The following L2HGDH variants were observed in gnomAD, a reference collection of about 807,000 sequenced individuals.
L2HGDH encodes L-2-hydroxyglutarate dehydrogenase.
Under a neutral mutation model 51.5 loss-of-function variants are expected in L2HGDH, and 34 were observed. The observed-to-expected ratio is 0.66, with a 90% CI of 0.50 to 0.88. The LOEUF (loss-of-function observed/expected upper bound fraction) is 0.88, where lower values mean the gene tolerates loss of function less well. Ranked by LOEUF, L2HGDH falls within the 40% of genes least tolerant of loss-of-function variation. The pLI, the probability that L2HGDH is intolerant of heterozygous loss-of-function variation, is 0.00. For missense variants in L2HGDH, 558 were observed against 571.9 expected (o/e 0.98, Z 0.25); for synonymous variants, 198 against 197.9 (o/e 1.00, Z -0.01).
chr14:50,261,828 G>C (rs958674596), intron 9 of L2HGDH, among the ~76,000 whole-genome samples: 1 of 152,138 alleles, frequency 6.6e-6, no homozygotes, highest in Non-Finnish European at 1.5e-5. Context: ...TTAACAATGA[G>C]AAGTTTATCT....
chr14:50,274,221 G>C (rs1428238961), intron 6 of L2HGDH, among the ~76,000 whole-genome samples: 2 of 151,918 alleles, frequency 1.3e-5, no homozygotes, highest in African/African-American at 4.8e-5. Flanking sequence ...TGAGGCTGCA[G>C]TGAGCCATGA....
chr14:50,287,413 A>G, intron 4 of L2HGDH: 1 of 537,948 alleles, frequency 1.9e-6, no homozygotes, highest in Non-Finnish European at 2.4e-6. Flanking sequence ...CCTGTTTTTC[A>G]AACTCTACAA....
At chr14:50,272,859 C>A (rs1055614055) in intron 6 of L2HGDH, among the ~76,000 whole-genome samples, 2 of 152,152 alleles carry the variant, frequency 1.3e-5, no homozygotes, top group Non-Finnish European at 2.9e-5. Context: ...GGGGAGTTCT[C>A]TATGACCAGT....
intron 6 of L2HGDH, among the ~76,000 whole-genome samples, chr14:50,275,531 T>C (rs4901009): frequency 0.75 from 114,478 of 152,216 alleles, 44,118 homozygotes; most frequent in African/African-American, 0.94. Context: ...GCATTACTTC[T>C]GATCAGTGAA....
chr14:50,267,908 G>A lies in L2HGDH; in HGVS notation c.909C>T (p.Val303=). The change falls in exon 8 of 10, where the codon GTC becomes GTT. Residue 303 remains valine (V), a splice_region_variant and synonymous_variant. Coordinates refer to ENST00000267436, the MANE Select transcript of L2HGDH (RefSeq NM_024884.3). The part of the protein sequence containing the change: ...CYLVKGNIYP[V]PDSRFPFLGV... ...CTAGGAAAGGAAACCGGCTATCTGG[G>A]ACCTATAAATTTAACATAGTAAATA... 6.2e-7 allele frequency: 1 copy of A among 1,613,722 alleles called. No homozygotes were observed. Among genetic ancestry groups the A allele is most frequent in the Middle Eastern group, 1.7e-4 (1 of 6,058 alleles).
At chr14:50,268,150 G>A (rs747354748) in intron 7 of L2HGDH, among the ~76,000 whole-genome samples, 4 of 152,176 alleles carry the variant, frequency 2.6e-5, no homozygotes, top group African/African-American at 4.8e-5. Flanking sequence ...AGGCTGAGGC[G>A]TGAGGATCAT....
At chr14:50,295,421 T>C (rs2029973899) in intron 3 of L2HGDH, among the ~76,000 whole-genome samples, 1 of 151,984 alleles carries the variant, frequency 6.6e-6, no homozygotes, top group Non-Finnish European at 1.5e-5. Flanking sequence ...TATTTATTTA[T>C]TTGAGACAAG....
At chr14:50,294,615 C>A (rs1471826985) in intron 3 of L2HGDH, among the ~76,000 whole-genome samples, 1 of 152,076 alleles carries the variant, frequency 6.6e-6, no homozygotes, top group Non-Finnish European at 1.5e-5. Flanking sequence ...TTTTCCCCCC[C>A]AAAACAGAAT....
rs1183300707 is a variant in L2HGDH, at chr14:50,293,289, T to TG, written c.540+825dup. 4 of 702,092 alleles carry TG rather than the reference T, an allele frequency of 5.7e-6. No individual in the cohort carries two copies. In the African/African-American group the frequency reaches 7.0e-5, roughly 12 times the overall value. 43.5% of individuals were successfully genotyped at this position (702,092 alleles called of 1,614,324 possible). A position where few individuals can be genotyped will look rare whatever the true frequency, so the allele number is the denominator to read the frequency against. On this transcript the variant is annotated intron_variant, in intron 4 of 9. Transcript: ENST00000267436. ...ATGCTGACACAACTGGATATCTGTT[T>TG]GGGGAAAAAATACACCTTGACCCCT...
intron 9 of L2HGDH, among the ~76,000 whole-genome samples, chr14:50,255,116 T>C (rs190542994): frequency 1.3e-4 from 20 of 152,286 alleles, no homozygotes; most frequent in Admixed American, 1.1e-3. Flanking sequence ...GTTTTTAACA[T>C]GAAATGTTTA....
At chr14:50,283,386 G>A (rs1422564707) in intron 5 of L2HGDH, among the ~76,000 whole-genome samples, 1 of 152,068 alleles carries the variant, frequency 6.6e-6, no homozygotes, top group Non-Finnish European at 1.5e-5. Flanking sequence ...AGGAGTCCCA[G>A]TTCTCTCACA....
chr14:50,276,465 C>CG (rs1255678190), intron 6 of L2HGDH, among the ~76,000 whole-genome samples: 1 of 150,620 alleles, frequency 6.6e-6, no homozygotes, highest in African/African-American at 2.4e-5. Flanking sequence ...GAATTGTGCC[C>CG]CCCCCACCCC....
At chr14:50,254,858 G>A (rs1888567558) in intron 9 of L2HGDH, among the ~76,000 whole-genome samples, 1 of 151,738 alleles carries the variant, frequency 6.6e-6, no homozygotes, top group South Asian at 2.1e-4. Context: ...GGGCAACATG[G>A]TGAAATCCCA....
chr14:50,247,972 T>C (rs1888106023), intron 9 of L2HGDH, among the ~76,000 whole-genome samples: 1 of 151,224 alleles, frequency 6.6e-6, no homozygotes. Flanking sequence ...TTAAAGAAAA[T>C]TTTTTTTTGT....
In L2HGDH at chr14:50,303,007, T is replaced by C. The variant is rs1366946438; in HGVS notation, c.151A>G (p.Ile51Val). 6.2e-7 allele frequency: 1 copy of C among 1,605,046 alleles called. No homozygotes were observed. The highest frequency in any genetic ancestry group is 8.5e-7 in the Non-Finnish European group (1 of 1,171,766). Residue 51 changes from isoleucine to valine, a missense_variant, in exon 2 of 10, where the codon ATA becomes GTA. Ile to Val is a conservative substitution (Grantham distance 29). This residue lies in a region of L2HGDH where 194 missense variants were observed against 187.2 expected (regional missense o/e 1.04). Transcript: ENST00000267436. ...ACAATTCCGCCACCAACGATGACTA[T>C]ATCAAATGAGCTTCAAAAGAAAGTC... ...SRSASTSSFD[I>V]VIVGGGIVGL...
intron 6 of L2HGDH, among the ~76,000 whole-genome samples, chr14:50,274,248 C>A (rs1450405959): frequency 4.0e-5 from 6 of 150,970 alleles, no homozygotes; most frequent in Admixed American, 3.3e-4. Flanking sequence ...CACTGGACTT[C>A]AGCCTGGGTG....
intron 9 of L2HGDH, among the ~76,000 whole-genome samples, chr14:50,256,546 T>C (rs1333615225): frequency 1.3e-5 from 2 of 152,036 alleles, no homozygotes; most frequent in Non-Finnish European, 2.9e-5. Flanking sequence ...TAAAAGCATT[T>C]TTCTAGCACA....
chr14:50,259,928 C>G (rs1391697189), intron 9 of L2HGDH, among the ~76,000 whole-genome samples: 1 of 130,388 alleles, frequency 7.7e-6, no homozygotes, highest in African/African-American at 2.8e-5. Context: ...CTCTAATTTA[C>G]TTGAATTAGA....
Position 50,244,942 on chromosome 14 carries a change from GT to G in L2HGDH, c.*2115del. 1 of 985,488 alleles carries G rather than the reference GT, an allele frequency of 1.0e-6. No homozygotes were observed. Among genetic ancestry groups the G allele is most frequent in the Non-Finnish European group, 1.2e-6 (1 of 829,906 alleles). The allele number at this position is 985,488 out of a possible 1,614,324, so 61.0% of individuals were successfully genotyped here. On this transcript the variant is annotated 3_prime_UTR_variant, in exon 10 of 10. Coordinates refer to ENST00000267436, the MANE Select transcript of L2HGDH (RefSeq NM_024884.3). ...ACCTAAATGTGGTTCAGTACTCAAAGTTCTGCAGTCAGGTCGCCACATTTTC... is the reference window on the plus strand; with the variant it reads ...ACCTAAATGTGGTTCAGTACTCAAAGTCTGCAGTCAGGTCGCCACATTTTC...
Sources: gnomAD v4.1 joint callset for allele counts (sites outside exome capture counted in the v4.1 genomes callset) on GRCh38, gnomAD v4.1.1 for gene constraint, gnomAD v4.1.1 regional missense constraint, MANE v1.5 for transcripts, NCBI Gene and HGNC (gene_info 2026-07-23, HGNC 2026-07-21) for gene names.